CPVL: variants seen among roughly 807,000 people sequenced by gnomAD.
CPVL encodes carboxypeptidase vitellogenic like, also known as probable serine carboxypeptidase CPVL.
Under a neutral mutation model 63.7 loss-of-function variants are expected in CPVL, and 51 were observed. The ratio of observed to expected loss-of-function variants is 0.80; its 90% CI spans 0.64 to 1.01. The LOEUF is 1.01. Ranked by LOEUF, CPVL falls within the 50% of genes least tolerant of loss-of-function variation. The pLI is 0.00. For missense variants in CPVL, 530 were observed against 573.1 expected (o/e 0.92, Z 0.77); for synonymous variants, 195 against 206.0 (o/e 0.95, Z 0.46).
chr7:29,057,085 T>A (rs553719844), intron 11 of CPVL, among the ~76,000 whole-genome samples: 2 of 151,426 alleles, frequency 1.3e-5, no homozygotes, highest in Non-Finnish European at 2.9e-5. Context: ...CAGGTAGCCA[T>A]GACTACAGGT....
chr7:29,125,446 G>A (rs1789907602), intron 1 of CPVL, among the ~76,000 whole-genome samples: 1 of 140,068 alleles, frequency 7.1e-6, no homozygotes, highest in Non-Finnish European at 1.5e-5. Context: ...AGACTGGAGT[G>A]CAGTGGTGCG....
intron 5 of CPVL, among the ~76,000 whole-genome samples, chr7:29,165,701 T>A (rs944793616): frequency 6.6e-6 from 1 of 152,206 alleles, no homozygotes; most frequent in African/African-American, 2.4e-5. Flanking sequence ...AGCTGCCCTT[T>A]ATGTGGTTGA....
At chr7:29,073,432 A>G (rs1430165291) in intron 7 of CPVL, among the ~76,000 whole-genome samples, 1 of 152,032 alleles carries the variant, frequency 6.6e-6, no homozygotes, top group Non-Finnish European at 1.5e-5. Context: ...TTATCCTTTA[A>G]TGACTTCCCA....
At chr7:29,088,047 T>G (rs991072298) in intron 6 of CPVL, among the ~76,000 whole-genome samples, 6 of 152,218 alleles carry the variant, frequency 3.9e-5, no homozygotes, top group African/African-American at 1.4e-4. Flanking sequence ...CTCTTCCTGC[T>G]TGTTGGAATG....
At chr7:29,006,872 TCCCTCTATTTCTCTA>T (rs1190881813) in intron 12 of CPVL, among the ~76,000 whole-genome samples, 1 of 151,772 alleles carries the variant, frequency 6.6e-6, no homozygotes, top group Non-Finnish European at 1.5e-5. Context: ...ATTTTTTCCA[TCCCTCTATTTCTCTA>T]CCCTACTCCA....
At chr7:29,086,395 T>C (rs545743709) in intron 7 of CPVL, 89 bp downstream of exon 7, 8 of 902,734 alleles carry the variant, frequency 8.9e-6, no homozygotes, top group South Asian at 6.9e-5. Flanking sequence ...TATATACATA[T>C]ATAGATTTTA....
chr7:28,997,107 G>A (rs970528677), intron 12 of CPVL, among the ~76,000 whole-genome samples: 3 of 152,208 alleles, frequency 2.0e-5, no homozygotes, highest in African/African-American at 7.2e-5. Flanking sequence ...TCCAAGTAGA[G>A]GGAAACGGGA....
chr7:29,018,630 T>C (rs1269765627), intron 12 of CPVL, among the ~76,000 whole-genome samples: 2 of 152,060 alleles, frequency 1.3e-5, no homozygotes, highest in African/African-American at 4.8e-5. Flanking sequence ...CCACCCACCT[T>C]AGCCTCCCAA....
rs761841745 is a variant in CPVL at position 29,005,366 on chromosome 7, A to G, written c.1321-9484T>C. ...AGCACTAATAAATATAACATTCATT[A>G]CTGTACTTTTTCAGAAAAAAGGATT... On this transcript the variant is annotated intron_variant, in intron 12 of 12. Transcript: ENST00000265394. Among the ~76,000 whole-genome samples, 3 of 152,222 alleles carry G rather than the reference A, an allele frequency of 2.0e-5. 1 individual carries two copies. The highest frequency in any genetic ancestry group is 1.5e-5 in the Non-Finnish European group (1 of 68,050).
At chr7:29,109,322 C>T (rs188586944) in intron 3 of CPVL, among the ~76,000 whole-genome samples, 1 of 152,234 alleles carries the variant, frequency 6.6e-6, no homozygotes, top group East Asian at 1.9e-4. Flanking sequence ...AAACAGCATC[C>T]CCCCAAAAAA....
chr7:29,022,486 T>C (rs371472712), intron 12 of CPVL, among the ~76,000 whole-genome samples: 1 of 152,208 alleles, frequency 6.6e-6, no homozygotes, highest in East Asian at 1.9e-4. Context: ...ATCACCCACA[T>C]ATGCCATCTA....
intron 6 of CPVL, among the ~76,000 whole-genome samples, chr7:29,089,860 C>CTT (rs112115146): frequency 0.013 from 1,907 of 143,100 alleles, 16 homozygotes; most frequent in Admixed American, 0.024. Context: ...CCATTGAATT[C>CTT]TTTTTTTTTT....
chr7:29,146,824 T>C (rs1338665559), upstream of CPVL: 18 of 1,550,606 alleles, frequency 1.2e-5, no homozygotes, highest in Non-Finnish European at 1.4e-5. Flanking sequence ...CAACCCTGTA[T>C]TTTGAAATTA....
chr7:29,126,885 G>A (rs1790083655), intron 1 of CPVL: 1 of 152,118 alleles, frequency 6.6e-6, no homozygotes, highest in African/African-American at 2.4e-5. Flanking sequence ...TGACACCCTG[G>A]ACAACACTCT....
chr7:29,049,503 C>T (rs182003289), intron 11 of CPVL, among the ~76,000 whole-genome samples: 4 of 151,842 alleles, frequency 2.6e-5, no homozygotes, highest in East Asian at 1.9e-4. Flanking sequence ...TAACAAGCAG[C>T]GAGATTGAAA....
intron 2 of CPVL, among the ~76,000 whole-genome samples, chr7:29,117,924 A>T (rs1788939822): frequency 6.6e-6 from 1 of 152,236 alleles, no homozygotes; most frequent in African/African-American, 2.4e-5. Context: ...CAACTACGAC[A>T]GCTCTAGTAT....
chr7:29,173,237 C>T (rs1732020627), intron 5 of CPVL, among the ~76,000 whole-genome samples: 2 of 151,874 alleles, frequency 1.3e-5, no homozygotes, highest in South Asian at 4.2e-4. Flanking sequence ...GGCCAGAAAG[C>T]TAAGCAGGAA....
intron 6 of CPVL, among the ~76,000 whole-genome samples, chr7:29,089,544 G>A (rs938884770): frequency 5.9e-5 from 9 of 152,238 alleles, no homozygotes; most frequent in African/African-American, 2.2e-4. Context: ...CAGGGCCTGG[G>A]CGGAAGCAGC....
Position 29,120,974 on chromosome 7 carries a change from T to A in CPVL, c.88A>T (p.Ser30Cys). The change falls in exon 2 of 13, where the codon AGT becomes TGT. Residue 30 changes from serine to cysteine, a missense_variant. Coordinates refer to ENST00000265394, the MANE Select transcript of CPVL (RefSeq NM_031311.5). Reference protein sequence around the residue: ...CDGLFRSLYRSVSMPPKGDSG... With the variant: ...CDGLFRSLYRCVSMPPKGDSG... Reference sequence around the variant, plus strand: ...TCTCCCTTAGGTGGCATGGAAACACTTCTGTATAGGGAGCGAAACAGCCCA... The same window carrying A: ...TCTCCCTTAGGTGGCATGGAAACACATCTGTATAGGGAGCGAAACAGCCCA... 6.2e-7 allele frequency: 1 copy of A among 1,613,982 alleles called. No individual in the cohort carries two copies. The highest frequency in any genetic ancestry group is 2.2e-5 in the East Asian group (1 of 44,882).
Sources: gnomAD v4.1 joint callset for allele counts (sites outside exome capture counted in the v4.1 genomes callset) on GRCh38, gnomAD v4.1.1 for gene constraint, MANE v1.5 for transcripts, NCBI Gene and HGNC (gene_info 2026-07-23, HGNC 2026-07-21) for gene names.